Variants in SUPT3H observed in about 807,000 individuals in gnomAD.
SUPT3H encodes transcription initiation protein SPT3 homolog.
A neutral mutation model predicts 44.3 loss-of-function variants in SUPT3H; 44 were observed. The observed-to-expected ratio is 0.99, with a 90% CI of 0.78 to 1.28. The LOEUF (loss-of-function observed/expected upper bound fraction) is 1.28. Among genes scored for constraint, SUPT3H ranks in the 50% most tolerant of loss-of-function variants. The pLI is 0.00. For missense variants in SUPT3H, 380 were observed against 387.1 expected, an observed-to-expected ratio of 0.98 and a Z score of 0.15; for synonymous variants, 124 against 125.6, an observed-to-expected ratio of 0.99 and a Z score of 0.09.
intron 10 of SUPT3H, among the ~76,000 whole-genome samples, chr6:44,886,619 A>G (rs535759085): frequency 9.2e-5 from 14 of 152,278 alleles, no homozygotes; most frequent in Middle Eastern, 3.4e-3. Flanking sequence ...TGAAGGAAGC[A>G]CTAAACATGG....
intron 10 of SUPT3H, among the ~76,000 whole-genome samples, chr6:44,838,135 A>C (rs1449895308): frequency 2.0e-5 from 3 of 152,240 alleles, no homozygotes; most frequent in African/African-American, 7.2e-5. Context: ...ATGGTAGTTA[A>C]TAATATCAAT....
Position 44,932,754 on chromosome 6 carries a change from C to G in SUPT3H, c.811G>C (p.Ala271Pro). 1 of 1,599,896 alleles carries G rather than the reference C, an allele frequency of 6.3e-7. No individual in the cohort carries two copies. The highest frequency in any genetic ancestry group is 8.5e-7 in the Non-Finnish European group (1 of 1,174,862). Residue 271 changes from alanine to proline, a missense_variant, in exon 10 of 11, where the codon GCC becomes CCC. Coordinates refer to ENST00000371459, the MANE Select transcript of SUPT3H (RefSeq NM_003599.4). ...TCGCTGTGAGCCTCAACACCACAGG[C>G]TGCAGTGCTCTGCGACAGAAAAACA... ...QYHNSAESTA[A>P]CGVEAHSDAI...
At chr6:44,957,466 T>C (rs1393164578) in intron 7 of SUPT3H, among the ~76,000 whole-genome samples, 1 of 151,910 alleles carries the variant, frequency 6.6e-6, no homozygotes, top group Non-Finnish European at 1.5e-5. Context: ...ACTTCTAAAG[T>C]TAAAGTTAAC....
chr6:44,907,147 T>C (rs1388801580), intron 10 of SUPT3H, among the ~76,000 whole-genome samples: 1 of 152,232 alleles, frequency 6.6e-6, no homozygotes, highest in Non-Finnish European at 1.5e-5. Flanking sequence ...TTATGTTTTT[T>C]ACTCCAGAGT....
At chr6:45,120,748 T>C (rs1321790784) in intron 2 of SUPT3H, among the ~76,000 whole-genome samples, 1 of 152,166 alleles carries the variant, frequency 6.6e-6, no homozygotes, top group Admixed American at 6.5e-5. Context: ...ATGAAATTTA[T>C]CTTGCTTTTA....
intron 10 of SUPT3H, among the ~76,000 whole-genome samples, chr6:44,916,168 C>A (rs1333476329): frequency 6.6e-6 from 1 of 152,150 alleles, no homozygotes; most frequent in Non-Finnish European, 1.5e-5. Context: ...TCAGTAAAAG[C>A]AGAAGTAGGA....
chr6:45,233,203 G>A (rs1768410903), intron 2 of SUPT3H, among the ~76,000 whole-genome samples: 1 of 152,206 alleles, frequency 6.6e-6, no homozygotes, highest in African/African-American at 2.4e-5. Context: ...AGAGTACTGA[G>A]GACCCTTCAG....
rs146474184 is a variant in SUPT3H at position 45,224,589 on chromosome 6, C to A, written c.102-118583G>T. Among the ~76,000 whole-genome samples the A allele has an allele frequency of 2.5e-3, 387 of 152,076 alleles. 2 individuals carry two copies. Among genetic ancestry groups the A allele is most frequent in the African/African-American group, 8.5e-3 (353 of 41,508 alleles). ...GGTCAGGAGTTCGAGACCAGCCTGG[C>A]CAAGATGGTGAAATCTCGTCTCTAC... is the stretch of plus-strand genomic sequence containing the variant. On this transcript the variant is annotated intron_variant, in intron 2 of 10. Transcript: ENST00000371459.
intron 10 of SUPT3H, among the ~76,000 whole-genome samples, chr6:44,884,723 G>A (rs1778846668): frequency 6.6e-6 from 1 of 152,162 alleles, no homozygotes; most frequent in Admixed American, 6.5e-5. Context: ...TCTATCTGAG[G>A]TACCGGGTTC....
chr6:44,882,734 T>C (rs138915576), intron 10 of SUPT3H, among the ~76,000 whole-genome samples: 3,071 of 152,236 alleles, frequency 0.02, 49 homozygotes, highest in Non-Finnish European at 0.03. Flanking sequence ...ATTCAACTTA[T>C]GCAAATCAAT....
chr6:44,921,443 C>T (rs991678344), intron 10 of SUPT3H, among the ~76,000 whole-genome samples: 2 of 152,258 alleles, frequency 1.3e-5, no homozygotes, highest in African/African-American at 4.8e-5. Flanking sequence ...GTTGTGTGAA[C>T]GATAGACATT....
intron 3 of SUPT3H, among the ~76,000 whole-genome samples, chr6:45,062,782 A>T (rs1306330422): frequency 6.6e-6 from 1 of 152,098 alleles, no homozygotes; most frequent in Non-Finnish European, 1.5e-5. Context: ...CCATGAGATT[A>T]TATCTCACAC....
chr6:45,049,578 C>T (rs767608167), intron 3 of SUPT3H, among the ~76,000 whole-genome samples: 3 of 152,136 alleles, frequency 2.0e-5, no homozygotes, highest in African/African-American at 4.8e-5. Flanking sequence ...TTTTGCTGCC[C>T]GCTGGCAACC....
chr6:45,155,635 G>A (rs1562567065), intron 2 of SUPT3H, among the ~76,000 whole-genome samples: 1 of 152,130 alleles, frequency 6.6e-6, no homozygotes, highest in Non-Finnish European at 1.5e-5. Flanking sequence ...ACAAAGATAA[G>A]CAAAAGCAGC....
At chr6:45,282,147 G>C (rs975796304) in intron 2 of SUPT3H, among the ~76,000 whole-genome samples, 1 of 152,258 alleles carries the variant, frequency 6.6e-6, no homozygotes, top group East Asian at 1.9e-4. Flanking sequence ...AAAAAACAGA[G>C]CAGAAAAACT....
At chr6:45,319,573 T>C in intron 2 of SUPT3H, among the ~76,000 whole-genome samples, 1 of 152,228 alleles carries the variant, frequency 6.6e-6, no homozygotes, top group African/African-American at 2.4e-5. Flanking sequence ...TATTTACCAA[T>C]AAAAATACAT....
intron 3 of SUPT3H, among the ~76,000 whole-genome samples, chr6:45,069,526 T>C (rs1225032846): frequency 6.6e-6 from 1 of 152,108 alleles, no homozygotes; most frequent in Non-Finnish European, 1.5e-5. Context: ...AAAAGTGTTT[T>C]GAGGGAAAAA....
At chr6:44,815,073 A>G (rs1766819325) in intron 11 of SUPT3H, among the ~76,000 whole-genome samples, 1 of 152,114 alleles carries the variant, frequency 6.6e-6, no homozygotes, top group South Asian at 2.1e-4. Context: ...CTTTATGAAC[A>G]TATTGTGTGT....
intron 2 of SUPT3H, among the ~76,000 whole-genome samples, chr6:45,221,007 A>G (rs1765950465): frequency 6.6e-6 from 1 of 152,258 alleles, no homozygotes; most frequent in Non-Finnish European, 1.5e-5. Context: ...GATTAAGAAA[A>G]TATGGCACAA....
Sources: gnomAD v4.1 joint callset for allele counts (sites outside exome capture counted in the v4.1 genomes callset) on GRCh38, gnomAD v4.1.1 for gene constraint, MANE v1.5 for transcripts, NCBI Gene and HGNC (gene_info 2026-07-23, HGNC 2026-07-21) for gene names.